The following TRUB1 variants were observed in gnomAD, a reference collection of about 807,000 sequenced individuals.
TRUB1 encodes TruB pseudouridine synthase family member 1.
Under a neutral mutation model 33.9 loss-of-function variants are expected in TRUB1, and 23 were observed. That is an observed-to-expected ratio of 0.68 (90% CI 0.49 to 0.96). TRUB1 has a LOEUF of 0.96. TRUB1 is among the 40% of genes least tolerant of loss of function. The probability of loss-of-function intolerance (pLI) is 0.00; values close to 1 mark genes in which losing one functional copy is unlikely to be tolerated. For synonymous variants in TRUB1, 163 were observed against 165.4 expected (o/e 0.99, Z 0.11); for missense variants, 378 against 422.2 (o/e 0.90, Z 0.92).
chr10:114,947,913 A>G (rs146970971), intron 2 of TRUB1, among the ~76,000 whole-genome samples: 1 of 152,334 alleles, frequency 6.6e-6, no homozygotes, highest in African/African-American at 2.4e-5. Flanking sequence ...CTTAAAATAG[A>G]TTCCTACGAT....
rs2084357082 is a variant in TRUB1, at chr10:114,975,585, T to C, written c.*206T>C. 2.5e-6 allele frequency: 1 copy of C among 400,928 alleles called. No homozygotes were observed. Among genetic ancestry groups the C allele is most frequent in the Admixed American group, 4.1e-5 (1 of 24,398 alleles). The allele number at this position is 400,928 out of a possible 1,614,324, so 24.8% of individuals were successfully genotyped here. ...TTGCAGTTGGCTCAGTTGTTTGTTG[T>C]GTTGTGAAATGTTTTAGGATTTTTT... is the stretch of plus-strand genomic sequence containing the variant. On this transcript the variant is annotated 3_prime_UTR_variant, in exon 8 of 8. Transcript: ENST00000298746.
chr10:114,938,289 G>A lies in TRUB1; in HGVS notation c.36G>A (p.Pro12=). ...CTGAGGCGGCGGTGGTGTCTTCGCC[G>A]TCTTTGAAAACAGACACATCCCCTG... The part of the protein sequence containing the change: ...AASEAAVVSS[P]SLKTDTSPVL... Residue 12 remains proline, a synonymous_variant, in exon 1 of 8, where the codon CCG becomes CCA. Transcript: ENST00000298746. 1.2e-6 allele frequency: 2 copies of A among 1,614,122 alleles called. No homozygotes were observed. The highest frequency in any genetic ancestry group is 1.7e-6 in the Non-Finnish European group (2 of 1,180,020).
At chr10:114,949,784 G>T (rs1230479905) in intron 2 of TRUB1, among the ~76,000 whole-genome samples, 2 of 151,990 alleles carry the variant, frequency 1.3e-5, no homozygotes, top group East Asian at 1.9e-4. Flanking sequence ...TAGACCATTT[G>T]GTTTGAATCT....
At chr10:114,942,572 C>T in intron 1 of TRUB1, 73 bp from the exon 2 acceptor site, 2 of 1,010,358 alleles carry the variant, frequency 2.0e-6, no homozygotes, top group South Asian at 2.8e-5. Context: ...ATCCCCTTTT[C>T]CTCCCAAGTT....
At chr10:114,972,724 CCTCA>C (rs2084343119) in intron 6 of TRUB1, among the ~76,000 whole-genome samples, 1 of 152,066 alleles carries the variant, frequency 6.6e-6, no homozygotes, top group Non-Finnish European at 1.5e-5. Context: ...ACAAGAAACC[CCTCA>C]CTCCCTTCTT....
chr10:114,955,510 G>T (rs1345266150), intron 3 of TRUB1, among the ~76,000 whole-genome samples: 1 of 152,130 alleles, frequency 6.6e-6, no homozygotes, highest in African/African-American at 2.4e-5. Context: ...AACCATAGTG[G>T]CACCTGCAGG....
Position 114,972,123 on chromosome 10 carries a change from T to G in TRUB1, c.597-12T>G. 6.2e-7 allele frequency: 1 copy of G among 1,611,852 alleles called. No homozygotes were observed. Among genetic ancestry groups the G allele is most frequent in the Non-Finnish European group, 8.5e-7 (1 of 1,179,302 alleles). On this transcript the variant is annotated splice_polypyrimidine_tract_variant and intron_variant, in intron 5 of 7. Transcript: ENST00000298746. Reference sequence around the variant, plus strand: ...TCCTTTCCTTCCATTTCTCCTTCTCTCATCTCACAAGCTATTCTGCATTAA... The same window carrying G: ...TCCTTTCCTTCCATTTCTCCTTCTCGCATCTCACAAGCTATTCTGCATTAA...
rs11197006 is a variant in TRUB1 at position 114,950,124 on chromosome 10, G to A, written c.386-970G>A. Among the ~76,000 whole-genome samples, 1,041 of 151,800 alleles carry A rather than the reference G, an allele frequency of 6.9e-3. 8 individuals are homozygous for A. The highest frequency in any genetic ancestry group is 0.026 in the South Asian group (125 of 4,804). ...TGTTGGTCAGGTGGGTCTTGAACTCGTGACCTCAGGTGATCCGCCCGCCTC... is the reference window on the plus strand; with the variant it reads ...TGTTGGTCAGGTGGGTCTTGAACTCATGACCTCAGGTGATCCGCCCGCCTC... On this transcript the variant is annotated intron_variant, in intron 2 of 7. Coordinates refer to ENST00000298746, the MANE Select transcript of TRUB1 (RefSeq NM_139169.5).
chr10:114,938,625 A>G (rs1465176522), intron 1 of TRUB1, 86 bp downstream of exon 1: 2 of 1,369,290 alleles, frequency 1.5e-6, no homozygotes, highest in Non-Finnish European at 1.9e-6. Context: ...TCGTGATTCA[A>G]GAGACAAAAG....
rs1244775054 is a variant in TRUB1, at chr10:114,977,370, CTT to C, written c.*1992_*1993del. ...TATTTTAATTATATTACTTTATACTCTTAATTTATTTAGAGTATTTCTCTATT... is the reference window on the plus strand; with the variant it reads ...TATTTTAATTATATTACTTTATACTCAATTTATTTAGAGTATTTCTCTATT... On this transcript the variant is annotated 3_prime_UTR_variant, in exon 8 of 8. Transcript: ENST00000298746. 3.3e-5 allele frequency: 5 copies of C among 151,930 alleles called. No individual in the cohort carries two copies. The highest frequency in any genetic ancestry group is 2.0e-4 in the Admixed American group (3 of 15,266). The allele number at this position is 151,930 out of a possible 1,614,324, so 9.4% of individuals were successfully genotyped here. A position where few individuals can be genotyped will look rare whatever the true frequency, so the allele number is the denominator to read the frequency against.
At chr10:114,959,888 C>T in intron 4 of TRUB1, 81 bp downstream of exon 4, 2 of 787,396 alleles carry the variant, frequency 2.5e-6, no homozygotes, top group Non-Finnish European at 4.2e-6. Flanking sequence ...AAACAAATCT[C>T]TGATATTATC....
chr10:114,974,816 G>A (rs2084352836), intron 7 of TRUB1, among the ~76,000 whole-genome samples: 1 of 152,108 alleles, frequency 6.6e-6, no homozygotes, highest in Non-Finnish European at 1.5e-5. Context: ...CACTGGACAG[G>A]TCATATGATC....
chr10:114,939,738 A>T (rs1191643672), intron 1 of TRUB1, among the ~76,000 whole-genome samples: 1 of 151,766 alleles, frequency 6.6e-6, no homozygotes, highest in East Asian at 1.9e-4. Context: ...CATCAAGGAT[A>T]TGTATTGTGG....
Position 114,974,386 on chromosome 10 carries a change from G to A in TRUB1, c.793+1G>A. ...AGCTTGGTCAGTGACATTGGAAAAG[G>A]TAAGCATAAAAATGAATTATGAATT... On this transcript the variant is annotated splice_donor_variant, in intron 7 of 7. Transcript: ENST00000298746. LOFTEE classifies it high-confidence loss of function. 1 of 1,610,328 alleles carries A rather than the reference G, an allele frequency of 6.2e-7. No homozygotes were observed. The highest frequency in any genetic ancestry group is 8.5e-7 in the Non-Finnish European group (1 of 1,177,032).
intron 2 of TRUB1, among the ~76,000 whole-genome samples, chr10:114,949,726 G>A (rs567073442): frequency 6.6e-6 from 1 of 151,976 alleles, no homozygotes; most frequent in Non-Finnish European, 1.5e-5. Context: ...AGAAAGCCTA[G>A]GTGAGTTAAG....
intron 2 of TRUB1, among the ~76,000 whole-genome samples, chr10:114,949,702 T>TG (rs1428485000): frequency 6.6e-6 from 1 of 152,056 alleles, no homozygotes; most frequent in Non-Finnish European, 1.5e-5. Flanking sequence ...GGATGTAGGC[T>TG]GGTTGCAGTG....
intron 6 of TRUB1, among the ~76,000 whole-genome samples, chr10:114,973,724 T>G (rs1053450521): frequency 6.6e-6 from 1 of 152,216 alleles, no homozygotes; most frequent in Admixed American, 6.5e-5. Context: ...TCTGGGACAT[T>G]GTGCAATTTT....
At chr10:114,973,230 G>A (rs1452581270) in intron 6 of TRUB1, among the ~76,000 whole-genome samples, 1 of 152,094 alleles carries the variant, frequency 6.6e-6, no homozygotes, top group African/African-American at 2.4e-5. Context: ...TAGGAAGGTT[G>A]TGCTCCATTC....
intron 3 of TRUB1, among the ~76,000 whole-genome samples, chr10:114,959,308 T>G (rs1333207158): frequency 6.6e-6 from 1 of 152,174 alleles, no homozygotes; most frequent in Non-Finnish European, 1.5e-5. Context: ...TAAAATTAAT[T>G]TTAATTGTAT....
Sources: allele counts gnomAD v4.1 joint callset (sites outside exome capture counted in the v4.1 genomes callset), GRCh38; gene constraint gnomAD v4.1.1; transcripts MANE v1.5; gene names NCBI Gene and HGNC (gene_info 2026-07-23, HGNC 2026-07-21).